DCDC2: variants seen among roughly 807,000 people sequenced by gnomAD.
DCDC2 encodes the protein doublecortin domain containing 2, also known as doublecortin domain-containing protein 2.
DCDC2 carries 40 observed loss-of-function variants against 50.2 expected under a neutral mutation model. The observed-to-expected ratio is 0.80, with a 90% CI of 0.62 to 1.04. The LOEUF (loss-of-function observed/expected upper bound fraction) is 1.04, where lower values mean the gene tolerates loss of function less well. DCDC2 is among the 50% of genes least tolerant of loss of function. DCDC2 has a pLI of 0.00. For missense variants in DCDC2, 570 were observed against 581.9 expected, an observed-to-expected ratio of 0.98 and a Z score of 0.21; for synonymous variants, 234 against 210.6, an observed-to-expected ratio of 1.11 and a Z score of -0.96.
chr6:24,226,879 G>A (rs966911879), intron 7 of DCDC2, among the ~76,000 whole-genome samples: 3 of 152,200 alleles, frequency 2.0e-5, no homozygotes. Flanking sequence ...CACAAAGAAT[G>A]AATTTGATTT....
At chr6:24,342,725 C>T (rs1427964494) in intron 2 of DCDC2, among the ~76,000 whole-genome samples, 1 of 151,892 alleles carries the variant, frequency 6.6e-6, no homozygotes, top group African/African-American at 2.4e-5. Flanking sequence ...TTCAAACCAA[C>T]TCAAATTCAC....
chr6:24,182,629 G>GGAAAAAA (rs531833197), intron 8 of DCDC2, among the ~76,000 whole-genome samples: 2 of 105,942 alleles, frequency 1.9e-5, no homozygotes, highest in African/African-American at 3.5e-5. Flanking sequence ...ATGATGACAA[G>GGAAAAAA]AAAAAAAAAA....
At chr6:24,323,628 T>C (rs375317452) in intron 2 of DCDC2, among the ~76,000 whole-genome samples, 23 of 152,064 alleles carry the variant, frequency 1.5e-4, no homozygotes, top group African/African-American at 5.1e-4. Context: ...AAATAAAAGA[T>C]CTAATACATA....
intron 2 of DCDC2, among the ~76,000 whole-genome samples, chr6:24,306,543 T>TAGAG (rs1209633765): frequency 8.6e-6 from 1 of 115,662 alleles, no homozygotes; most frequent in East Asian, 2.7e-4. Flanking sequence ...GATAGATAGA[T>TAGAG]AGACAGACAG....
rs759063204 is a variant in DCDC2 at position 24,174,829 on chromosome 6, A to G, written c.1332T>C (p.Asp444=). The G allele has an allele frequency of 7.5e-6, 12 of 1,609,962 alleles. No individual in the cohort carries two copies. The highest frequency in any genetic ancestry group is 1.1e-5 in the South Asian group (1 of 90,716). Residue 444 remains aspartate, a synonymous_variant, in exon 10 of 10, where the codon GAT becomes GAC. Coordinates refer to ENST00000378454, the MANE Select transcript of DCDC2 (RefSeq NM_016356.5). Reference sequence around the variant, plus strand: ...GCCTTGGTGGTCTTTGAGGGTCTACATCAGCCTAGAAGAAAATAGATCAAA... The same window carrying G: ...GCCTTGGTGGTCTTTGAGGGTCTACGTCAGCCTAGAAGAAAATAGATCAAA... ...QGAGSGQDEA[D]VDPQRPPRPE...
chr6:24,271,004 T>C (rs1028529593), intron 7 of DCDC2, among the ~76,000 whole-genome samples: 1 of 151,728 alleles, frequency 6.6e-6, no homozygotes, highest in African/African-American at 2.4e-5. Flanking sequence ...GGCAGATCAC[T>C]TGAGCTTAGG....
upstream of DCDC2, among the ~76,000 whole-genome samples, chr6:24,359,198 A>ATATATTATATATATTT (rs1561789185): frequency 2.0e-3 from 86 of 42,614 alleles, no homozygotes; most frequent in Non-Finnish European, 2.5e-3. Flanking sequence ...TTTATATATT[A>ATATATTATATATATTT]TATATATTTT....
At chr6:24,300,272 C>T (rs1022868150) in intron 4 of DCDC2, among the ~76,000 whole-genome samples, 1 of 151,840 alleles carries the variant, frequency 6.6e-6, no homozygotes, top group Admixed American at 6.6e-5. Flanking sequence ...GTGCATGCTA[C>T]TTGGGAGGTT....
intron 2 of DCDC2, chr6:24,353,214 A>G (rs1760404202): frequency 2.2e-6 from 1 of 454,534 alleles, no homozygotes. Flanking sequence ...TATCAGAGGC[A>G]CATTAGGATG....
At chr6:24,277,282 G>A (rs553764079) in intron 7 of DCDC2, among the ~76,000 whole-genome samples, 10 of 152,152 alleles carry the variant, frequency 6.6e-5, no homozygotes, top group Admixed American at 2.0e-4. Context: ...GGTGGGGTGG[G>A]GTGTGTGAGG....
intron 7 of DCDC2, among the ~76,000 whole-genome samples, chr6:24,205,776 T>G (rs1761707229): frequency 6.6e-6 from 1 of 152,168 alleles, no homozygotes; most frequent in Non-Finnish European, 1.5e-5. Flanking sequence ...GTTTTTCATA[T>G]TTGAAGTAGT....
rs4052666 is a variant in DCDC2, at chr6:24,246,479, CTTT to C, written c.922+31567_922+31569del. ...GATAAAGACAAGTCTTTTTCTTTTT[CTTT>C]TTTTTTTTTTTTTTTTTTTTTTGAG... On this transcript the variant is annotated intron_variant, in intron 7 of 9. Coordinates refer to ENST00000378454, the MANE Select transcript of DCDC2 (RefSeq NM_016356.5). Among the ~76,000 whole-genome samples the C allele has an allele frequency of 3.7e-3, 260 of 70,798 alleles. 2 individuals carry two copies. Among genetic ancestry groups the C allele is most frequent in the African/African-American group, 0.015 (241 of 16,560 alleles). The allele number at this position is 70,798 out of a possible 152,430, so 46.4% of individuals were successfully genotyped here.
chr6:24,275,866 A>ATTTTTTTTTTTT (rs10685261), intron 7 of DCDC2, among the ~76,000 whole-genome samples: 1 of 108,120 alleles, frequency 9.2e-6, no homozygotes, highest in Non-Finnish European at 1.8e-5. Context: ...CAATAATTCA[A>ATTTTTTTTTTTT]TTTTTTTTTT....
At chr6:24,294,937 G>C (rs1763830165) in intron 4 of DCDC2, among the ~76,000 whole-genome samples, 1 of 151,922 alleles carries the variant, frequency 6.6e-6, no homozygotes, top group South Asian at 2.1e-4. Flanking sequence ...AAAAAATTGA[G>C]GAGGAGGAAC....
intron 2 of DCDC2, among the ~76,000 whole-genome samples, chr6:24,327,479 T>TTGATTG (rs1554119357): frequency 0.051 from 6,672 of 130,224 alleles, 563 homozygotes; most frequent in Non-Finnish European, 0.064. Context: ...TTTATTTATT[T>TTGATTG]ATTTATTGGC....
chr6:24,370,103 A>G, the DCDC2 span, among the ~76,000 whole-genome samples: 2 of 152,224 alleles, frequency 1.3e-5, no homozygotes, highest in South Asian at 2.1e-4. Flanking sequence ...GGTTAAATGC[A>G]TCAAGTGAAA....
chr6:24,180,913 A>T (rs1274655883), intron 8 of DCDC2, among the ~76,000 whole-genome samples: 1 of 152,248 alleles, frequency 6.6e-6, no homozygotes, highest in Non-Finnish European at 1.5e-5. Flanking sequence ...AAGAGTTGGA[A>T]CTAGTAATAA....
At chr6:24,228,396 G>A (rs915333864) in intron 7 of DCDC2, among the ~76,000 whole-genome samples, 5 of 152,162 alleles carry the variant, frequency 3.3e-5, no homozygotes, top group African/African-American at 4.8e-5. Context: ...TAAGTCTAAC[G>A]GTTGTCAAAT....
Position 24,344,906 on chromosome 6 carries a change from G to A in DCDC2, c.348+8663C>T, listed in dbSNP as rs79067286. 5.1e-4 allele frequency among the ~76,000 whole-genome samples: 77 copies of A among 152,332 alleles called. No individual in the cohort carries two copies. The East Asian group carries it at 0.014, about 28-fold the overall frequency. On this transcript the variant is annotated intron_variant, in intron 2 of 9. Coordinates refer to ENST00000378454, the MANE Select transcript of DCDC2 (RefSeq NM_016356.5). ...CTTCTTAAGTAGCAGTTATATCAGA[G>A]TGGTGGGGGAAAAGGTATAAAATAA...
Sources: gnomAD v4.1 joint callset for allele counts (sites outside exome capture counted in the v4.1 genomes callset) on GRCh38, gnomAD v4.1.1 for gene constraint, MANE v1.5 for transcripts, NCBI Gene and HGNC (gene_info 2026-07-23, HGNC 2026-07-21) for gene names.